Variants in TCF24 observed in about 807,000 individuals in gnomAD.
TCF24 encodes the protein transcription factor 24.
Under a neutral mutation model 9.3 loss-of-function variants are expected in TCF24, and 5 were observed. That is an observed-to-expected ratio of 0.54 (90% CI 0.28 to 1.13). The LOEUF is 1.13. Ranked by LOEUF, TCF24 falls within the 50% of genes most tolerant of loss-of-function variation. TCF24 has a pLI of 0.09. For synonymous variants in TCF24, 110 were observed against 115.8 expected (o/e 0.95, Z 0.32); for missense variants, 220 against 236.1 (o/e 0.93, Z 0.45).
intron 3 of TCF24, among the ~76,000 whole-genome samples, chr8:66,960,343 G>T (rs1814233670): frequency 6.6e-6 from 1 of 152,024 alleles, no homozygotes. Context: ...ATATCAGAGG[G>T]TGTGCTTTAC....
chr8:66,957,895 T>TAAAAAAAAAAAAAAAAA (rs11299517), intron 3 of TCF24, among the ~76,000 whole-genome samples: 1 of 43,036 alleles, frequency 2.3e-5, no homozygotes, highest in Non-Finnish European at 4.3e-5. Flanking sequence ...TAAGAATTGC[T>TAAAAAAAAAAAAAAAAA]AAAAAAAAAA....
chr8:66,953,957 A>C (rs1814105104), intron 3 of TCF24, among the ~76,000 whole-genome samples: 1 of 151,038 alleles, frequency 6.6e-6, no homozygotes, highest in Admixed American at 6.6e-5. Flanking sequence ...CAGCTCCTTT[A>C]AGCACTTCTC....
rs182902723 is a variant in TCF24, at chr8:66,958,012, T to G, written c.390+3364A>C. On this transcript the variant is annotated intron_variant, in intron 3 of 3. Coordinates refer to ENST00000563496, the MANE Select transcript of TCF24 (RefSeq NM_001193502.2). Reference sequence around the variant, plus strand: ...TAGGATAAAATTAACGAAGCAAACCTAAAATTGTATATGTGAAATTGTGCC... The same window carrying G: ...TAGGATAAAATTAACGAAGCAAACCGAAAATTGTATATGTGAAATTGTGCC... Among the ~76,000 whole-genome samples the G allele has an allele frequency of 7.4e-3, 1,103 of 148,536 alleles. 5 individuals are homozygous for G. Among genetic ancestry groups the G allele is most frequent in the Non-Finnish European group, 0.012 (794 of 67,208 alleles).
chr8:66,950,702 A>C (rs1814045284), intron 3 of TCF24, among the ~76,000 whole-genome samples: 1 of 152,286 alleles, frequency 6.6e-6, no homozygotes, highest in South Asian at 2.1e-4. Flanking sequence ...TTTTCACGAC[A>C]TTGATTCTTC....
chr8:66,961,276 C>G (rs1001616699), intron 3 of TCF24, 100 bp downstream of exon 3: 79 of 1,297,340 alleles, frequency 6.1e-5, no homozygotes, highest in Non-Finnish European at 7.4e-5. Context: ...CCGCCTCACC[C>G]GAAAAGGAAT....
At chr8:66,955,015 C>G (rs1013225064) in intron 3 of TCF24, 1 of 156,696 alleles carries the variant, frequency 6.4e-6, no homozygotes, top group Admixed American at 6.5e-5. Context: ...GTGAGATGAA[C>G]CCGGTACCTC....
chr8:66,953,192 G>T (rs1001608181), intron 3 of TCF24, among the ~76,000 whole-genome samples: 2 of 151,990 alleles, frequency 1.3e-5, no homozygotes, highest in African/African-American at 4.8e-5. Context: ...TCCTAGTCTC[G>T]ATGATCTTTA....
In TCF24 at chr8:66,961,471, C is replaced by T; in HGVS notation, c.295G>A (p.Ala99Thr). The T allele has an allele frequency of 6.5e-7, 1 of 1,528,200 alleles. No homozygotes were observed. Among genetic ancestry groups the T allele is most frequent in the Non-Finnish European group, 8.7e-7 (1 of 1,144,064 alleles). The allele number at this position is 1,528,200 out of a possible 1,614,324, so 94.7% of individuals were successfully genotyped here. A position where few individuals can be genotyped will look rare whatever the true frequency, so the allele number is the denominator to read the frequency against. Reference protein sequence around the residue: ...DVLLLATTYIAHLTRSLQDDA... With the variant: ...DVLLLATTYITHLTRSLQDDA... Reference sequence around the variant, plus strand: ...TCCTGCAGGCTGCGGGTGAGATGCGCGATGTAGGTGGTGGCCAGCAGCAGC... The same window carrying T: ...TCCTGCAGGCTGCGGGTGAGATGCGTGATGTAGGTGGTGGCCAGCAGCAGC... Residue 99 changes from alanine (A) to threonine (T), a missense_variant, in exon 3 of 4, where the codon GCG becomes ACG. Ala to Thr is a moderately conservative substitution (Grantham distance 58, BLOSUM62 0). Transcript: ENST00000563496.
chr8:66,946,587 A>G lies in TCF24; in HGVS notation c.*1464T>C. ...GCATTAAAAGAGCATGCTCTTTTGA[A>G]TCTGAGTGAAAATATGCAATTTCTC... On this transcript the variant is annotated 3_prime_UTR_variant, in exon 4 of 4. Transcript: ENST00000563496. 1 of 152,182 alleles carries G rather than the reference A, an allele frequency of 6.6e-6. No homozygotes were observed. Among genetic ancestry groups the G allele is most frequent in the Non-Finnish European group, 1.5e-5 (1 of 68,028 alleles). The allele number at this position is 152,182 out of a possible 1,614,324, so 9.4% of individuals were successfully genotyped here.
rs1002573755 is a variant in TCF24 at position 66,950,699 on chromosome 8, G to A, written c.391-2535C>T. 1.7e-3 allele frequency among the ~76,000 whole-genome samples: 256 copies of A among 152,232 alleles called. 1 individual carries two copies. Among genetic ancestry groups the A allele is most frequent in the African/African-American group, 5.3e-3 (220 of 41,536 alleles). Reference sequence around the variant, plus strand: ...CCTTGGGCAGTATGGCCATTTTCACGACATTGATTCTTCCTACCCATGAGC... The same window carrying A: ...CCTTGGGCAGTATGGCCATTTTCACAACATTGATTCTTCCTACCCATGAGC... On this transcript the variant is annotated intron_variant, in intron 3 of 3. Coordinates refer to ENST00000563496, the MANE Select transcript of TCF24 (RefSeq NM_001193502.2).
At chr8:66,948,778 C>T (rs1285214065) in intron 3 of TCF24, among the ~76,000 whole-genome samples, 1 of 152,122 alleles carries the variant, frequency 6.6e-6, no homozygotes, top group Non-Finnish European at 1.5e-5. Context: ...TCACTGCAAC[C>T]TCCATCTCCT....
intron 3 of TCF24, among the ~76,000 whole-genome samples, chr8:66,952,527 T>C (rs900151978): frequency 2.0e-5 from 3 of 150,748 alleles, no homozygotes; most frequent in African/African-American, 7.3e-5. Context: ...ATGTGGTCAA[T>C]TTTGGAATAG....
At chr8:66,957,111 C>CAAAA (rs1165600722) in intron 3 of TCF24, among the ~76,000 whole-genome samples, 1 of 15,722 alleles carries the variant, frequency 6.4e-5, no homozygotes, top group African/African-American at 1.6e-4. Flanking sequence ...GACTCCGTCT[C>CAAAA]AAAAAAAAAA....
At chr8:66,950,461 T>C (rs1165969804) in intron 3 of TCF24, among the ~76,000 whole-genome samples, 1 of 152,224 alleles carries the variant, frequency 6.6e-6, no homozygotes, top group African/African-American at 2.4e-5. Flanking sequence ...CATTGATCTA[T>C]ATCTCTGTAC....
At chr8:66,956,572 A>T (rs1253899415) in intron 3 of TCF24, among the ~76,000 whole-genome samples, 3 of 152,050 alleles carry the variant, frequency 2.0e-5, no homozygotes, top group Non-Finnish European at 2.9e-5. Context: ...CATGTTGGCC[A>T]GGCTGGTCCC....
rs11299517 is a variant in TCF24, at chr8:66,957,895, TAAAAAAAAAAA to T, written c.390+3470_390+3480del. The stretch of plus-strand genomic sequence containing the variant: ...CAGGTCCCACTGTGTTAAGAATTGC[TAAAAAAAAAAA>T]AAAAAAAAAAAAAAAAAAGAATTGC... On this transcript the variant is annotated intron_variant, in intron 3 of 3. Coordinates refer to ENST00000563496, the MANE Select transcript of TCF24 (RefSeq NM_001193502.2). Among the ~76,000 whole-genome samples the T allele has an allele frequency of 3.5e-3, 149 of 43,084 alleles. 1 individual carries two copies. The highest frequency in any genetic ancestry group is 0.011 in the African/African-American group (137 of 12,032). The allele number at this position is 43,084 out of a possible 152,430, so 28.3% of individuals were successfully genotyped here.
intron 3 of TCF24, among the ~76,000 whole-genome samples, chr8:66,948,383 G>T (rs1377508425): frequency 6.6e-6 from 1 of 152,258 alleles, no homozygotes; most frequent in East Asian, 1.9e-4. Context: ...TAACATTTTA[G>T]AAGTAATATG....
In TCF24 at chr8:66,961,343, G is replaced by GC. The variant is rs550456444; in HGVS notation, c.390+32dup. 3.5e-5 allele frequency: 50 copies of GC among 1,423,850 alleles called. 1 individual carries two copies. The African/African-American group carries it at 7.0e-4, about 20-fold the overall frequency. The allele number at this position is 1,423,850 out of a possible 1,614,324, so 88.2% of individuals were successfully genotyped here. A position where few individuals can be genotyped will look rare whatever the true frequency, so the allele number is the denominator to read the frequency against. On this transcript the variant is annotated intron_variant, in intron 3 of 3. Transcript: ENST00000563496. ...GGCAGATCAAGGTGTCCTGGTCTCG[G>GC]CCCCAGCCCCGCGGTGCGCCCCGCC...
At chr8:66,958,666 A>G (rs1053093099) in intron 3 of TCF24, among the ~76,000 whole-genome samples, 2 of 152,186 alleles carry the variant, frequency 1.3e-5, no homozygotes, top group Admixed American at 6.5e-5. Flanking sequence ...ATCTCAAACA[A>G]CAACAACAAA....
Sources: gnomAD v4.1 joint callset for allele counts (sites outside exome capture counted in the v4.1 genomes callset) on GRCh38, gnomAD v4.1.1 for gene constraint, MANE v1.5 for transcripts, NCBI Gene and HGNC (gene_info 2026-07-23, HGNC 2026-07-21) for gene names.